Variants in TUSC3 observed in about 807,000 individuals in gnomAD.
TUSC3 encodes dolichyl-diphosphooligosaccharide--protein glycosyltransferase subunit TUSC3.
A neutral mutation model predicts 44.8 loss-of-function variants in TUSC3; 45 were observed. The observed-to-expected ratio is 1.00, with a 90% CI of 0.79 to 1.29. The LOEUF is 1.29. TUSC3 is among the 50% of genes most tolerant of loss of function. The pLI, the probability that TUSC3 is intolerant of heterozygous loss-of-function variation, is 0.00. For synonymous variants in TUSC3, 212 were observed against 152.9 expected (o/e 1.39, Z -2.85); for missense variants, 519 against 437.9 (o/e 1.19, Z -1.65).
At chr8:15,546,037 A>G (rs935409916) in intron 1 of TUSC3, among the ~76,000 whole-genome samples, 1 of 151,900 alleles carries the variant, frequency 6.6e-6, no homozygotes, top group Non-Finnish European at 1.5e-5. Context: ...TGTAGGAATA[A>G]TGTGTTCCCC....
In TUSC3 at chr8:15,743,539, T is replaced by TG. The variant is rs773551354; in HGVS notation, c.865dup (p.Ala289GlyfsTer12). On this transcript the variant is annotated frameshift_variant and splice_region_variant, in exon 8 of 11. Transcript: ENST00000503731. LOFTEE classifies it high-confidence loss of function. ...CGGCTTCCTTGACAACTACTGCAGATGCCGCTATCACCATGGGGATGGTTC... is the reference window on the plus strand; with the variant it reads ...CGGCTTCCTTGACAACTACTGCAGATGGCCGCTATCACCATGGGGATGGTTC... 1 of 1,613,836 alleles carries TG rather than the reference T, an allele frequency of 6.2e-7. No individual in the cohort carries two copies. The highest frequency in any genetic ancestry group is 8.5e-7 in the Non-Finnish European group (1 of 1,179,836).
chr8:15,498,744 C>T, intron 2 of TUSC3, among the ~76,000 whole-genome samples: 1 of 152,102 alleles, frequency 6.6e-6, no homozygotes, highest in East Asian at 1.9e-4. Context: ...TGTTTCCTTT[C>T]CTTGAAATAA....
intron 9 of TUSC3, among the ~76,000 whole-genome samples, chr8:15,750,738 G>A (rs1290299797): frequency 6.6e-6 from 1 of 152,014 alleles, no homozygotes; most frequent in Admixed American, 6.6e-5. Context: ...TGTGAATGTG[G>A]CATTTGAACA....
At chr8:15,563,385 C>A (rs12677906) in intron 1 of TUSC3, among the ~76,000 whole-genome samples, 29,496 of 151,724 alleles carry the variant, frequency 0.19, 2,875 homozygotes, top group South Asian at 0.25. Context: ...GAGGGCAGGC[C>A]GTTGGGAAGA....
Position 15,646,218 on chromosome 8 carries a change from TAAGTG to T in TUSC3, c.309-4474_309-4470del, listed in dbSNP as rs1006864931. 2.0e-5 allele frequency among the ~76,000 whole-genome samples: 3 copies of T among 152,154 alleles called. 1 individual carries two copies. The highest frequency in any genetic ancestry group is 7.2e-5 in the African/African-American group (3 of 41,450). On this transcript the variant is annotated intron_variant, in intron 2 of 10. Transcript: ENST00000503731. ...GCTTCTGAAAGAAGGGAGGACATTC[TAAGTG>T]AAGTATTTCATGCACGTGGTTAAGA...
the TUSC3 span, among the ~76,000 whole-genome samples, chr8:15,840,303 C>G: frequency 6.6e-6 from 1 of 152,144 alleles, no homozygotes; most frequent in East Asian, 1.9e-4. Context: ...GTGCAGCACA[C>G]CAACATGGCA....
chr8:15,583,165 G>A (rs6986727), intron 1 of TUSC3, among the ~76,000 whole-genome samples: 3,997 of 152,256 alleles, frequency 0.026, 183 homozygotes, highest in African/African-American at 0.091. Flanking sequence ...TGCAAACAGG[G>A]TGAGATTTTA....
At chr8:15,450,027 C>T (rs1318352957) in intron 1 of TUSC3, among the ~76,000 whole-genome samples, 1 of 152,116 alleles carries the variant, frequency 6.6e-6, no homozygotes, top group Non-Finnish European at 1.5e-5. Flanking sequence ...TAAGTTCCCT[C>T]TGTGATCTTA....
intron 1 of TUSC3, among the ~76,000 whole-genome samples, chr8:15,439,107 C>G (rs181529030): frequency 6.6e-6 from 1 of 152,180 alleles, no homozygotes; most frequent in African/African-American, 2.4e-5. Context: ...CATATACATC[C>G]ATCAGGGATG....
the TUSC3 span, among the ~76,000 whole-genome samples, chr8:15,774,624 G>A: frequency 6.6e-6 from 1 of 152,244 alleles, no homozygotes. Context: ...CATCCATTTT[G>A]TGGTACTTTG....
intron 2 of TUSC3, among the ~76,000 whole-genome samples, chr8:15,496,242 C>T (rs997295443): frequency 6.6e-6 from 1 of 152,186 alleles, no homozygotes; most frequent in Non-Finnish European, 1.5e-5. Flanking sequence ...TCCATTCCAG[C>T]ATATTCATTT....
At chr8:15,529,575 T>A (rs1801424371) in intron 2 of TUSC3, among the ~76,000 whole-genome samples, 1 of 152,136 alleles carries the variant, frequency 6.6e-6, no homozygotes, top group South Asian at 2.1e-4. Context: ...AAATTTGCTT[T>A]AAATAGCCAA....
At chr8:15,569,321 G>A (rs139422597) in intron 1 of TUSC3, among the ~76,000 whole-genome samples, 35 of 151,992 alleles carry the variant, frequency 2.3e-4, no homozygotes, top group African/African-American at 8.2e-4. Flanking sequence ...AAATACATGG[G>A]CAGTTTATTT....
At chr8:15,464,870 G>C (rs371106150) in intron 1 of TUSC3, among the ~76,000 whole-genome samples, 1 of 151,834 alleles carries the variant, frequency 6.6e-6, no homozygotes, top group Non-Finnish European at 1.5e-5. Context: ...TTTTGTTTGA[G>C]ATGGAGTCTT....
At chr8:15,420,087 A>AAC (rs1799719270) in intron 1 of TUSC3, among the ~76,000 whole-genome samples, 1 of 152,186 alleles carries the variant, frequency 6.6e-6, no homozygotes, top group Non-Finnish European at 1.5e-5. Flanking sequence ...AAAACACTAT[A>AAC]ACAAAGCTTA....
chr8:15,613,380 A>T (rs752559569), intron 1 of TUSC3, among the ~76,000 whole-genome samples: 2 of 152,114 alleles, frequency 1.3e-5, no homozygotes, highest in Admixed American at 6.6e-5. Context: ...TTGTTGTTAG[A>T]TCATGACCTG....
intron 1 of TUSC3, among the ~76,000 whole-genome samples, chr8:15,545,476 C>T (rs1223305649): frequency 6.6e-6 from 1 of 151,706 alleles, no homozygotes; most frequent in East Asian, 1.9e-4. Context: ...TGGAGGGGGA[C>T]TCTGTCTTCT....
chr8:15,473,705 G>C (rs1235877959), intron 1 of TUSC3, among the ~76,000 whole-genome samples: 10 of 152,166 alleles, frequency 6.6e-5, no homozygotes, highest in Admixed American at 6.5e-4. Flanking sequence ...ATGGGAGGGG[G>C]TGCAAGTACA....
At chr8:15,475,229 G>C (rs1457645852) in intron 1 of TUSC3, among the ~76,000 whole-genome samples, 1 of 150,164 alleles carries the variant, frequency 6.7e-6, no homozygotes, top group Non-Finnish European at 1.5e-5. Flanking sequence ...CCATTTTTTT[G>C]ATGATCCTAG....
Sources: allele counts gnomAD v4.1 joint callset (sites outside exome capture counted in the v4.1 genomes callset), GRCh38; gene constraint gnomAD v4.1.1; transcripts MANE v1.5; gene names NCBI Gene and HGNC (gene_info 2026-07-23, HGNC 2026-07-21).